The following SRGAP1 variants were observed in gnomAD, a reference collection of about 807,000 sequenced individuals.
The protein encoded by SRGAP1 is SLIT-ROBO Rho GTPase-activating protein 1.
SRGAP1 carries 43 observed loss-of-function variants against 121.9 expected under a neutral mutation model. The ratio of observed to expected loss-of-function variants is 0.35; its 90% CI spans 0.28 to 0.46. SRGAP1 has a LOEUF of 0.46. Ranked by LOEUF, SRGAP1 falls within the 20% of genes least tolerant of loss-of-function variation. The pLI is 1.00. For synonymous variants in SRGAP1, 447 were observed against 485.4 expected (o/e 0.92, Z 1.04); for missense variants, 1,102 against 1,350.9 (o/e 0.82, Z 2.89).
intron 21 of SRGAP1, among the ~76,000 whole-genome samples, chr12:64,137,973 T>TATAC (rs2036884930): frequency 6.8e-6 from 1 of 146,274 alleles, no homozygotes; most frequent in Non-Finnish European, 1.5e-5. Context: ...TATATATATA[T>TATAC]ATATATATAA....
chr12:64,045,161 G>T (rs1045632979), intron 6 of SRGAP1, among the ~76,000 whole-genome samples: 1 of 151,804 alleles, frequency 6.6e-6, no homozygotes, highest in African/African-American at 2.4e-5. Context: ...TTTAAATGCA[G>T]AACCTTTTTG....
In SRGAP1 at chr12:64,145,679, G is replaced by A. The variant is rs2037041113; in HGVS notation, c.*3007G>A. The stretch of plus-strand genomic sequence containing the variant: ...TCAGATTCCAGAGATAAGACAAGGT[G>A]GCCACTTCACAAAGAATCCAGAATC... On this transcript the variant is annotated 3_prime_UTR_variant, in exon 22 of 22. Transcript: ENST00000355086. 1 of 152,072 alleles carries A rather than the reference G, an allele frequency of 6.6e-6. No homozygotes were observed. 9.4% of individuals were successfully genotyped at this position (152,072 alleles called of 1,614,324 possible). A position where few individuals can be genotyped will look rare whatever the true frequency, so the allele number is the denominator to read the frequency against.
chr12:64,146,687 G>T lies in SRGAP1; in HGVS notation c.*4015G>T, dbSNP rs1236850862. ...TCCACCACAGAAACCCTGAGACACAGAGCAGCTTAGAAGTCTCTACCCAGG... is the reference window on the plus strand; with the variant it reads ...TCCACCACAGAAACCCTGAGACACATAGCAGCTTAGAAGTCTCTACCCAGG... On this transcript the variant is annotated 3_prime_UTR_variant, in exon 22 of 22. Transcript: ENST00000355086. 6.6e-6 allele frequency: 1 copy of T among 152,104 alleles called. No individual in the cohort carries two copies. The highest frequency in any genetic ancestry group is 1.9e-4 in the East Asian group (1 of 5,180). 9.4% of individuals were successfully genotyped at this position (152,104 alleles called of 1,614,324 possible).
chr12:63,884,756 C>G (rs1161909315), intron 1 of SRGAP1, among the ~76,000 whole-genome samples: 1 of 138,426 alleles, frequency 7.2e-6, no homozygotes, highest in Non-Finnish European at 1.5e-5. Context: ...GAGTCTTGCT[C>G]TGTCGCCCAG....
chr12:64,110,205 A>T (rs2136614231), intron 16 of SRGAP1, among the ~76,000 whole-genome samples: 1 of 152,308 alleles, frequency 6.6e-6, no homozygotes, highest in East Asian at 1.9e-4. Flanking sequence ...ACCAGGATGG[A>T]GTACCTTGCA....
At chr12:64,107,728 T>A (rs1433976848) in intron 15 of SRGAP1, among the ~76,000 whole-genome samples, 3 of 152,202 alleles carry the variant, frequency 2.0e-5, no homozygotes, top group Non-Finnish European at 4.4e-5. Context: ...AGTATTTTCA[T>A]GAATATCTCA....
chr12:63,885,085 A>G (rs1472717952), intron 1 of SRGAP1, among the ~76,000 whole-genome samples: 2 of 151,928 alleles, frequency 1.3e-5, no homozygotes, highest in South Asian at 2.1e-4. Flanking sequence ...AAAACTCTCA[A>G]ACTGTTTTTC....
At chr12:64,134,338 G>A (rs371626592) in intron 21 of SRGAP1, among the ~76,000 whole-genome samples, 13 of 151,402 alleles carry the variant, frequency 8.6e-5, no homozygotes, top group East Asian at 7.8e-4. Flanking sequence ...GGAGAATGGC[G>A]TGAACCCGGG....
intron 6 of SRGAP1, among the ~76,000 whole-genome samples, chr12:64,045,915 A>G (rs1157610761): frequency 6.6e-6 from 1 of 152,236 alleles, no homozygotes; most frequent in East Asian, 1.9e-4. Flanking sequence ...ATGAATTTAT[A>G]TACATACAAG....
At chr12:63,871,474 C>T (rs573335592) in intron 1 of SRGAP1, among the ~76,000 whole-genome samples, 8 of 152,276 alleles carry the variant, frequency 5.3e-5, no homozygotes, top group Admixed American at 3.3e-4. Flanking sequence ...GGCAATGTAA[C>T]CCTCCGTAGG....
At chr12:63,996,414 A>G (rs1199265471) in intron 3 of SRGAP1, among the ~76,000 whole-genome samples, 1 of 152,016 alleles carries the variant, frequency 6.6e-6, no homozygotes, top group African/African-American at 2.4e-5. Flanking sequence ...TTCTGTTGTT[A>G]GACATTTAAA....
intron 4 of SRGAP1, chr12:64,032,532 A>T (rs1353261079): frequency 8.3e-7 from 1 of 1,207,034 alleles, no homozygotes; most frequent in Non-Finnish European, 1.2e-6. Context: ...GCCAGCACAG[A>T]GTGACCCAAG....
intron 1 of SRGAP1, chr12:63,871,997 G>T: frequency 1.1e-6 from 1 of 910,980 alleles, no homozygotes; most frequent in Non-Finnish European, 1.8e-6. Context: ...GTGTCACTTC[G>T]TCAGGTGATG....
At chr12:64,134,379 C>T (rs1447915705) in intron 21 of SRGAP1, among the ~76,000 whole-genome samples, 1 of 151,412 alleles carries the variant, frequency 6.6e-6, no homozygotes, top group African/African-American at 2.4e-5. Flanking sequence ...CAAGATTGCG[C>T]CACTGCACTC....
intron 1 of SRGAP1, among the ~76,000 whole-genome samples, chr12:63,942,215 A>G (rs1808464972): frequency 6.6e-6 from 1 of 152,178 alleles, no homozygotes; most frequent in African/African-American, 2.4e-5. Flanking sequence ...CAACATGGTC[A>G]TTTATACTCT....
intron 17 of SRGAP1, among the ~76,000 whole-genome samples, chr12:64,114,499 C>T (rs930468596): frequency 6.6e-6 from 1 of 151,964 alleles, no homozygotes; most frequent in Admixed American, 6.6e-5. Context: ...TACAGGTGTC[C>T]ACCACCATAC....
At chr12:63,913,478 G>GATATATATATATATATATATATATAT (rs143358798) in intron 1 of SRGAP1, among the ~76,000 whole-genome samples, 9 of 130,984 alleles carry the variant, frequency 6.9e-5, no homozygotes, top group South Asian at 5.1e-4. Flanking sequence ...TATATATATG[G>GATATATATATATATATATATATATAT]ATATATATAT....
At position 64,049,421 on chromosome 12, in the gene SRGAP1, G is replaced by A. The variant is rs758784025; in HGVS notation, c.801+5846G>A. Among the ~76,000 whole-genome samples the A allele has an allele frequency of 4.6e-5, 7 of 152,166 alleles. No homozygotes were observed. In the South Asian group the frequency reaches 6.2e-4, roughly 14 times the overall value. ...TCATGGTGGAAGGGAAAGCAAACAC[G>A]TCTTTCTTCACATGGCAGCACGAAA... On this transcript the variant is annotated intron_variant, in intron 6 of 21. Coordinates refer to ENST00000355086, the MANE Select transcript of SRGAP1 (RefSeq NM_020762.4).
At chr12:64,101,411 A>C (rs1403789014) in intron 15 of SRGAP1, among the ~76,000 whole-genome samples, 1 of 150,862 alleles carries the variant, frequency 6.6e-6, no homozygotes, top group South Asian at 2.1e-4. Flanking sequence ...GTTCTTTGGA[A>C]GCTTACAAAT....
Sources: gnomAD v4.1 joint callset for allele counts (sites outside exome capture counted in the v4.1 genomes callset) on GRCh38, gnomAD v4.1.1 for gene constraint, MANE v1.5 for transcripts, NCBI Gene and HGNC (gene_info 2026-07-23, HGNC 2026-07-21) for gene names.